The following CYP4Z1 variants were observed in gnomAD, a reference collection of about 807,000 sequenced individuals.
The protein encoded by CYP4Z1 is cytochrome P450 family 4 subfamily Z member 1, also known as cytochrome P450 4Z1.
CYP4Z1 carries 41 observed loss-of-function variants against 54.2 expected under a neutral mutation model. The observed-to-expected ratio is 0.76, with a 90% CI of 0.59 to 0.98. The LOEUF is 0.98. CYP4Z1 is among the 50% of genes least tolerant of loss of function. The pLI is 0.00. For missense variants in CYP4Z1, 513 were observed against 599.0 expected, an observed-to-expected ratio of 0.86 and a Z score of 1.50; for synonymous variants, 163 against 206.2, an observed-to-expected ratio of 0.79 and a Z score of 1.79.
upstream of CYP4Z1, among the ~76,000 whole-genome samples, chr1:47,067,190 T>A (rs1385521627): frequency 6.6e-6 from 1 of 152,152 alleles, no homozygotes; most frequent in Non-Finnish European, 1.5e-5. Context: ...AGATGGGAAC[T>A]TTTAGATTCT....
At chr1:47,078,008 T>G (rs966009858) in intron 2 of CYP4Z1, among the ~76,000 whole-genome samples, 1 of 152,184 alleles carries the variant, frequency 6.6e-6, no homozygotes, top group Non-Finnish European at 1.5e-5. Flanking sequence ...GTAACATTTT[T>G]ATGTTACTCT....
rs765492400 is a variant in CYP4Z1 at position 47,115,493 on chromosome 1, T to G, written c.1202-36T>G. On this transcript the variant is annotated intron_variant, in intron 9 of 11. Transcript: ENST00000334194. ...AAAAAAAAAAAGACAGAATCTTCGCTCATGCACTTACCTGCTTTTTCTTCT... is the reference window on the plus strand; with the variant it reads ...AAAAAAAAAAAGACAGAATCTTCGCGCATGCACTTACCTGCTTTTTCTTCT... The G allele has an allele frequency of 1.9e-6, 3 of 1,581,766 alleles. No homozygotes were observed. In the South Asian group the frequency reaches 3.4e-5, roughly 18 times the overall value.
At chr1:47,061,242 T>C in the CYP4Z1 span, among the ~76,000 whole-genome samples, 3 of 150,286 alleles carry the variant, frequency 2.0e-5, no homozygotes, top group African/African-American at 7.3e-5. Context: ...AACTATTCAA[T>C]GTTTGCTTTC....
At chr1:47,102,182 G>A (rs1644726434) in intron 8 of CYP4Z1, among the ~76,000 whole-genome samples, 1 of 152,006 alleles carries the variant, frequency 6.6e-6, no homozygotes, top group Non-Finnish European at 1.5e-5. Flanking sequence ...CATATAGTTG[G>A]GTCATGTTTT....
chr1:47,104,026 C>T (rs1205739715), intron 8 of CYP4Z1, among the ~76,000 whole-genome samples: 3 of 152,152 alleles, frequency 2.0e-5, no homozygotes, highest in African/African-American at 4.8e-5. Flanking sequence ...CCTTGCTTTT[C>T]ATGTTTCCTG....
chr1:47,106,807 T>G (rs1644760713), intron 9 of CYP4Z1, among the ~76,000 whole-genome samples: 1 of 152,170 alleles, frequency 6.6e-6, no homozygotes, highest in Non-Finnish European at 1.5e-5. Context: ...CAGACAGATT[T>G]AAGACGTCTA....
the CYP4Z1 span, among the ~76,000 whole-genome samples, chr1:47,062,084 G>A: frequency 1.3e-5 from 2 of 152,118 alleles, no homozygotes; most frequent in Non-Finnish European, 2.9e-5. Flanking sequence ...ATAATGAATG[G>A]GGAAAAGATG....
chr1:47,086,454 G>A (rs970670842), intron 6 of CYP4Z1, among the ~76,000 whole-genome samples: 5 of 152,218 alleles, frequency 3.3e-5, no homozygotes, highest in African/African-American at 1.2e-4. Context: ...GTGATGATGA[G>A]CATTTTTTCA....
intron 9 of CYP4Z1, among the ~76,000 whole-genome samples, chr1:47,109,015 G>C (rs896820328): frequency 6.6e-6 from 1 of 151,836 alleles, no homozygotes; most frequent in Non-Finnish European, 1.5e-5. Flanking sequence ...TCCATACTTA[G>C]GTATCTACAA....
chr1:47,117,780 A>C lies in CYP4Z1; in HGVS notation c.1364A>C (p.Gln455Pro). ...GGTATCCCCAGGAACTGCATTGGGC[A>C]GCATTTTGCCATAATTGAGTGTAAA... is the stretch of plus-strand genomic sequence containing the variant. ...FSAGLRNCIG[Q>P]HFAIIECKVA... Residue 455 changes from glutamine to proline, a missense_variant, in exon 12 of 12, where the codon CAG becomes CCG. Gln to Pro is a moderately conservative substitution (Grantham distance 76). Coordinates refer to ENST00000334194, the MANE Select transcript of CYP4Z1 (RefSeq NM_178134.3). The C allele has an allele frequency of 6.2e-7, 1 of 1,613,260 alleles. No individual in the cohort carries two copies. Among genetic ancestry groups the C allele is most frequent in the Non-Finnish European group, 8.5e-7 (1 of 1,179,594 alleles).
chr1:47,110,652 C>T (rs1644786611), intron 9 of CYP4Z1, among the ~76,000 whole-genome samples: 1 of 152,190 alleles, frequency 6.6e-6, no homozygotes, highest in Non-Finnish European at 1.5e-5. Context: ...TTAGCTACTA[C>T]TGAACTTCAA....
chr1:47,080,111 C>G (rs532881923), intron 2 of CYP4Z1, among the ~76,000 whole-genome samples: 21 of 140,414 alleles, frequency 1.5e-4, no homozygotes. Context: ...GACATTAATT[C>G]TTGTTTTCCC....
intron 4 of CYP4Z1, among the ~76,000 whole-genome samples, chr1:47,083,499 C>T (rs983392224): frequency 5.3e-5 from 8 of 152,150 alleles, no homozygotes; most frequent in Non-Finnish European, 1.2e-4. Context: ...GCAGTTTGTT[C>T]AAGGTCACAA....
intron 6 of CYP4Z1, among the ~76,000 whole-genome samples, chr1:47,085,930 G>A (rs975826061): frequency 4.1e-5 from 6 of 146,676 alleles, no homozygotes; most frequent in Admixed American, 2.1e-4. Flanking sequence ...ACCTATGAGT[G>A]AGAACATGCG....
At position 47,099,152 on chromosome 1, in the gene CYP4Z1, T is replaced by C. The variant is rs749854611; in HGVS notation, c.935T>C (p.Met312Thr). 5.0e-6 allele frequency: 8 copies of C among 1,614,064 alleles called. No homozygotes were observed. Among genetic ancestry groups the C allele is most frequent in the Admixed American group, 1.7e-5 (1 of 60,012 alleles). The change falls in exon 8 of 12, where the codon ATG becomes ACG. Residue 312 changes from methionine (M) to threonine (T), a missense_variant. Physicochemically the swap from Met to Thr is moderately conservative, Grantham distance 81. Coordinates refer to ENST00000334194, the MANE Select transcript of CYP4Z1 (RefSeq NM_178134.3). ...ADLQAEVKTF[M>T]FAGHDTTSSA... is the part of the protein sequence containing the mutation. ...CTCCAGGCTGAAGTGAAAACGTTCA[T>C]GTTTGCAGGACATGACACCACATCC...
intron 8 of CYP4Z1, among the ~76,000 whole-genome samples, chr1:47,101,933 G>A (rs1644724934): frequency 1.3e-5 from 2 of 152,016 alleles, no homozygotes; most frequent in South Asian, 4.1e-4. Flanking sequence ...TTATATATCT[G>A]GGTCCTCCAA....
At chr1:47,110,836 T>C (rs1177149576) in intron 9 of CYP4Z1, among the ~76,000 whole-genome samples, 1 of 151,462 alleles carries the variant, frequency 6.6e-6, no homozygotes, top group Admixed American at 6.6e-5. Flanking sequence ...TAAATAACAT[T>C]GGGTTTTTGA....
intron 7 of CYP4Z1, 103 bp from the exon 8 acceptor site, chr1:47,098,991 T>A: frequency 7.3e-7 from 1 of 1,378,418 alleles, no homozygotes; most frequent in African/African-American, 1.5e-5. Flanking sequence ...TGTATTAATT[T>A]TGAATTTTAC....
chr1:47,107,113 A>G (rs1306470668), intron 9 of CYP4Z1, among the ~76,000 whole-genome samples: 1 of 152,228 alleles, frequency 6.6e-6, no homozygotes, highest in African/African-American at 2.4e-5. Context: ...TAATAACAAA[A>G]ACAAAAACTA....
Sources: allele counts gnomAD v4.1 joint callset (sites outside exome capture counted in the v4.1 genomes callset), GRCh38; gene constraint gnomAD v4.1.1; transcripts MANE v1.5; gene names NCBI Gene and HGNC (gene_info 2026-07-23, HGNC 2026-07-21).